Variants in MIA3 observed in about 807,000 individuals in gnomAD.
The protein encoded by MIA3 is transport and Golgi organization protein 1 homolog.
MIA3 carries 90 observed loss-of-function variants against 192.4 expected under a neutral mutation model. That is an observed-to-expected ratio of 0.47 (90% confidence interval 0.39 to 0.56). MIA3 has a LOEUF of 0.56. Ranked by LOEUF, MIA3 falls within the 20% of genes least tolerant of loss-of-function variation. MIA3 has a pLI of 0.00. For missense variants in MIA3, 2,123 were observed against 2,269.4 expected (o/e 0.94, Z 1.31); for synonymous variants, 740 against 792.8 (o/e 0.93, Z 1.12).
rs774485669 is a variant in MIA3 at position 222,662,317 on chromosome 1, A to G, written c.5247A>G (p.Val1749=). 2.0e-5 allele frequency: 33 copies of G among 1,613,856 alleles called. No individual in the cohort carries two copies. Among genetic ancestry groups the G allele is most frequent in the Non-Finnish European group, 2.7e-5 (32 of 1,179,846 alleles). The change falls in exon 26 of 28, where the codon GTA becomes GTG. Residue 1749 remains valine, a synonymous_variant. Coordinates refer to ENST00000344922, the MANE Select transcript of MIA3 (RefSeq NM_198551.4). The stretch of plus-strand genomic sequence containing the variant: ...CAAGAGGCTCTTCCCCTACCAGGGT[A>G]CTCGATGAAGGCAAGGTAAATGCAC... ...SSSRGSSPTR[V]LDEGKVNMAP... is the part of the protein sequence containing the mutation.
At position 222,628,815 on chromosome 1, in the gene MIA3, C is replaced by A. The variant is rs1216106388; in HGVS notation, c.1595C>A (p.Ala532Asp). The change falls in exon 4 of 28, where the codon GCT becomes GAT. Residue 532 changes from alanine (A) to aspartate (D), a missense_variant. This residue lies in a region of MIA3 where 1,357 missense variants were observed against 1,396.1 expected (regional missense o/e 0.97). Transcript: ENST00000344922. Reference sequence around the variant, plus strand: ...ACAGAAAATGACCTAAAAGGAGCAGCTATTCATATCTCAAAAGGAATGCTC... The same window carrying A: ...ACAGAAAATGACCTAAAAGGAGCAGATATTCATATCTCAAAAGGAATGCTC... ...DDTENDLKGAAIHISKGMLHE... is the reference protein window; with the variant it reads ...DDTENDLKGADIHISKGMLHE... 1 of 1,613,980 alleles carries A rather than the reference C, an allele frequency of 6.2e-7. No homozygotes were observed. Among genetic ancestry groups the A allele is most frequent in the African/African-American group, 1.3e-5 (1 of 74,914 alleles).
chr1:222,663,930 T>G, intron 26 of MIA3, 68 bp from the exon 27 acceptor site: 4 of 1,442,110 alleles, frequency 2.8e-6, no homozygotes, highest in Non-Finnish European at 3.8e-6. Flanking sequence ...TTTTAGTTTT[T>G]ACTGGTGTTG....
At chr1:222,655,329 T>C (rs1283786971) in intron 18 of MIA3, among the ~76,000 whole-genome samples, 1 of 152,248 alleles carries the variant, frequency 6.6e-6, no homozygotes, top group African/African-American at 2.4e-5. Flanking sequence ...ATTTAGATAA[T>C]AATCCTCTGA....
At chr1:222,665,286 T>G in intron 27 of MIA3, 23 bp from the exon 28 acceptor site, 1 of 1,542,608 alleles carries the variant, frequency 6.5e-7, no homozygotes, top group Non-Finnish European at 8.8e-7. Flanking sequence ...AGGAATTTAC[T>G]GGAAATAATT....
Position 222,652,105 on chromosome 1 carries a change from G to C in MIA3, c.3981+57G>C. 7 of 1,340,028 alleles carry C rather than the reference G, an allele frequency of 5.2e-6. No homozygotes were observed. The South Asian group carries it at 7.2e-5, about 14-fold the overall frequency. 83.0% of individuals were successfully genotyped at this position (1,340,028 alleles called of 1,614,324 possible). On this transcript the variant is annotated intron_variant, in intron 12 of 27. Coordinates refer to ENST00000344922, the MANE Select transcript of MIA3 (RefSeq NM_198551.4). ...AATACTATATCATAGTTTGATTGCA[G>C]AGCAAAAATTTGATATATGCTAAAA...
chr1:222,666,331 C>T lies in MIA3; in HGVS notation c.*712C>T, dbSNP rs1664285735. Reference sequence around the variant, plus strand: ...AGAAGTTTATTTCCCACTTGTATAGCATTCACATGCTTTCTTTACGATCCT... The same window carrying T: ...AGAAGTTTATTTCCCACTTGTATAGTATTCACATGCTTTCTTTACGATCCT... On this transcript the variant is annotated 3_prime_UTR_variant, in exon 28 of 28. Coordinates refer to ENST00000344922, the MANE Select transcript of MIA3 (RefSeq NM_198551.4). 6.6e-6 allele frequency: 1 copy of T among 152,144 alleles called. No individual in the cohort carries two copies. Among genetic ancestry groups the T allele is most frequent in the South Asian group, 2.1e-4 (1 of 4,824 alleles). The allele number at this position is 152,144 out of a possible 1,614,324, so 9.4% of individuals were successfully genotyped here.
At chr1:222,620,146 C>T (rs889950662) in intron 1 of MIA3, among the ~76,000 whole-genome samples, 2 of 152,126 alleles carry the variant, frequency 1.3e-5, no homozygotes, top group Non-Finnish European at 2.9e-5. Context: ...AATCTATATG[C>T]GTGTATAGCC....
rs534527999 is a variant in MIA3, at chr1:222,643,867, A to G, written c.3478-1687A>G. ...TGACTCCTGGGTAAGACTTTTTAATAGAGTGTCGGCAAGAATGTGAGACAG... is the reference window on the plus strand; with the variant it reads ...TGACTCCTGGGTAAGACTTTTTAATGGAGTGTCGGCAAGAATGTGAGACAG... On this transcript the variant is annotated intron_variant, in intron 6 of 27. Coordinates refer to ENST00000344922, the MANE Select transcript of MIA3 (RefSeq NM_198551.4). Among the ~76,000 whole-genome samples, 3 of 152,270 alleles carry G rather than the reference A, an allele frequency of 2.0e-5. No individual in the cohort carries two copies. In the South Asian group the frequency reaches 6.2e-4, roughly 32 times the overall value.
chr1:222,646,533 C>G (rs1204907012), intron 7 of MIA3, among the ~76,000 whole-genome samples: 1 of 152,036 alleles, frequency 6.6e-6, no homozygotes, highest in Non-Finnish European at 1.5e-5. Context: ...GGGTGGATCA[C>G]ATAAGGCCAG....
At chr1:222,644,175 A>T (rs1663004925) in intron 6 of MIA3, 2 of 657,456 alleles carry the variant, frequency 3.0e-6, no homozygotes, top group Admixed American at 8.4e-5. Flanking sequence ...TTTTACTGGG[A>T]TTCTTCCGCT....
rs1663464348 is a variant in MIA3 at position 222,652,006 on chromosome 1, G to A, written c.3939G>A (p.Lys1313=). Residue 1313 remains lysine, a synonymous_variant, in exon 12 of 28, where the codon AAG becomes AAA. Coordinates refer to ENST00000344922, the MANE Select transcript of MIA3 (RefSeq NM_198551.4). ...CAGAAAACAAGAAATCTATAGAGAA[G>A]TTAAAGGATGTTATTTCAATGAATG... The part of the protein sequence containing the change: ...LISENKKSIE[K]LKDVISMNAS... 2 of 1,578,358 alleles carry A rather than the reference G, an allele frequency of 1.3e-6. No homozygotes were observed. Among genetic ancestry groups the A allele is most frequent in the East Asian group, 2.2e-5 (1 of 44,658 alleles).
At chr1:222,653,362 T>C in intron 15 of MIA3, 23 bp downstream of exon 15, 2 of 1,535,958 alleles carry the variant, frequency 1.3e-6, no homozygotes, top group South Asian at 2.3e-5. Context: ...TCAAGGAGGA[T>C]GGACCCCTTT....
chr1:222,645,929 A>C, intron 7 of MIA3: 2 of 357,474 alleles, frequency 5.6e-6, no homozygotes, highest in South Asian at 6.1e-5. Context: ...AATTTTAAGA[A>C]TTAGGTGGGT....
At chr1:222,645,347 T>G (rs1663088449) in intron 6 of MIA3, among the ~76,000 whole-genome samples, 1 of 152,236 alleles carries the variant, frequency 6.6e-6, no homozygotes, top group South Asian at 2.1e-4. Context: ...AGAGTCATAG[T>G]ACTTCAAAAC....
intron 6 of MIA3, chr1:222,641,461 G>T: frequency 2.0e-6 from 1 of 497,626 alleles, no homozygotes; most frequent in South Asian, 1.5e-5. Context: ...CTGGGCTGCT[G>T]AATCGTCTGG....
rs1360360079 is a variant in MIA3 at position 222,653,300 on chromosome 1, G to A, written c.4282G>A (p.Gly1428Arg). ...TGAATCTGAGGGTCAAAATAAAGGT[G>A]GAAATGATTCAGATGAATTAGCAAA... ...ESESEGQNKG[G>R]NDSDELANGE... is the part of the protein sequence containing the mutation. Residue 1428 changes from glycine to arginine, a missense_variant, in exon 15 of 28, where the codon GGA becomes AGA. Coordinates refer to ENST00000344922, the MANE Select transcript of MIA3 (RefSeq NM_198551.4). 23 of 1,613,890 alleles carry A rather than the reference G, an allele frequency of 1.4e-5. No individual in the cohort carries two copies. Among genetic ancestry groups the A allele is most frequent in the Non-Finnish European group, 1.9e-5 (22 of 1,179,812 alleles).
Position 222,652,209 on chromosome 1 carries a change from T to C in MIA3, c.3982-19T>C, listed in dbSNP as rs746351129. 8 of 1,569,010 alleles carry C rather than the reference T, an allele frequency of 5.1e-6. No individual in the cohort carries two copies. Among genetic ancestry groups the C allele is most frequent in the South Asian group, 2.2e-5 (2 of 89,862 alleles). On this transcript the variant is annotated intron_variant, in intron 12 of 27. Coordinates refer to ENST00000344922, the MANE Select transcript of MIA3 (RefSeq NM_198551.4). ...GTTTTCTTTGGAATTAATTCACTAATAGGAGTGTTTTGCATTAGGTTCAGA... is the reference window on the plus strand; with the variant it reads ...GTTTTCTTTGGAATTAATTCACTAACAGGAGTGTTTTGCATTAGGTTCAGA...
At chr1:222,624,947 A>C (rs940978772) in intron 3 of MIA3, 93 bp downstream of exon 3, 1 of 622,080 alleles carries the variant, frequency 1.6e-6, no homozygotes, top group Admixed American at 2.8e-5. Flanking sequence ...AATTTAAATG[A>C]GATTTTATCA....
Position 222,632,151 on chromosome 1 carries a change from T to A in MIA3, c.3170-14T>A. The A allele has an allele frequency of 6.2e-7, 1 of 1,612,894 alleles. No homozygotes were observed. On this transcript the variant is annotated splice_polypyrimidine_tract_variant and intron_variant, in intron 4 of 27. Transcript: ENST00000344922. ...ATCAAGCTGTGCTAGCCCAGTGTATTCTTCTCACCCTAGAGATGCAACCAC... is the reference window on the plus strand; with the variant it reads ...ATCAAGCTGTGCTAGCCCAGTGTATACTTCTCACCCTAGAGATGCAACCAC...
Sources: gnomAD v4.1 joint callset for allele counts (sites outside exome capture counted in the v4.1 genomes callset) on GRCh38, gnomAD v4.1.1 for gene constraint, gnomAD v4.1.1 regional missense constraint, MANE v1.5 for transcripts, NCBI Gene and HGNC (gene_info 2026-07-23, HGNC 2026-07-21) for gene names.